LIMCH1: variants seen among roughly 807,000 people sequenced by gnomAD.
LIMCH1 encodes the protein LIM and calponin homology domains-containing protein 1.
A neutral mutation model predicts 176.5 loss-of-function variants in LIMCH1; 113 were observed. The observed-to-expected ratio is 0.64, with a 90% CI of 0.55 to 0.75. LIMCH1 has a LOEUF of 0.75. LIMCH1 is among the 30% of genes least tolerant of loss of function. The pLI is 0.00. For missense variants in LIMCH1, 1,674 were observed against 1,814.9 expected, an observed-to-expected ratio of 0.92 and a Z score of 1.41; for synonymous variants, 619 against 645.9, an observed-to-expected ratio of 0.96 and a Z score of 0.63.
chr4:41,435,104 G>C (rs571569561), intron 1 of LIMCH1, among the ~76,000 whole-genome samples: 2 of 152,214 alleles, frequency 1.3e-5, no homozygotes, highest in South Asian at 4.2e-4. Flanking sequence ...TATCTCAGTG[G>C]ACCCTATGTT....
rs116253261 is a variant in LIMCH1, at chr4:41,624,037, A to G, written c.726-2671A>G. Among the ~76,000 whole-genome samples the G allele has an allele frequency of 6.7e-3, 1,015 of 152,336 alleles. 10 individuals are homozygous for G. Among genetic ancestry groups the G allele is most frequent in the African/African-American group, 0.023 (955 of 41,580 alleles). ...CCCAAATATGAGAGTCTGCCAAAGAAGCCAAGATTTCTGTTTTTAAGAGGA... is the reference window on the plus strand; with the variant it reads ...CCCAAATATGAGAGTCTGCCAAAGAGGCCAAGATTTCTGTTTTTAAGAGGA... On this transcript the variant is annotated intron_variant, in intron 7 of 31. Transcript: ENST00000503057.
chr4:41,498,164 T>C (rs1583155342), intron 2 of LIMCH1, among the ~76,000 whole-genome samples: 1 of 151,288 alleles, frequency 6.6e-6, no homozygotes, highest in South Asian at 2.1e-4. Context: ...GATGTAGGAG[T>C]TTCAGTTTTT....
intron 1 of LIMCH1, among the ~76,000 whole-genome samples, chr4:41,583,630 A>G (rs560051772): frequency 6.6e-6 from 1 of 152,330 alleles, no homozygotes; most frequent in African/African-American, 2.4e-5. Flanking sequence ...ATCTAGAGTT[A>G]TATGAAGACA....
chr4:41,464,606 C>T (rs2065852483), intron 1 of LIMCH1, among the ~76,000 whole-genome samples: 1 of 151,880 alleles, frequency 6.6e-6, no homozygotes, highest in East Asian at 1.9e-4. Flanking sequence ...AAACTCCTGA[C>T]CTCGTGATCT....
chr4:41,668,434 T>G (rs748914455), intron 21 of LIMCH1, among the ~76,000 whole-genome samples: 4 of 152,216 alleles, frequency 2.6e-5, no homozygotes, highest in Non-Finnish European at 5.9e-5. Context: ...ACTTTGTAAT[T>G]GTGTAGATAA....
chr4:41,512,399 A>ATGT (rs2075036635), intron 2 of LIMCH1, among the ~76,000 whole-genome samples: 1 of 152,194 alleles, frequency 6.6e-6, no homozygotes, highest in African/African-American at 2.4e-5. Context: ...TTATACTCCT[A>ATGT]AGTACATACC....
At chr4:41,669,641 CA>C (rs2094947186) in intron 21 of LIMCH1, among the ~76,000 whole-genome samples, 1 of 152,200 alleles carries the variant, frequency 6.6e-6, no homozygotes, top group Non-Finnish European at 1.5e-5. Flanking sequence ...CCAAAAATAT[CA>C]CTGATTGATA....
intron 1 of LIMCH1, among the ~76,000 whole-genome samples, chr4:41,590,217 C>T (rs994617150): frequency 2.0e-5 from 3 of 151,990 alleles, no homozygotes; most frequent in East Asian, 1.9e-4. Flanking sequence ...CTCAGCCTCC[C>T]GAGTAGTTGG....
At chr4:41,548,602 T>G (rs994129693) in intron 1 of LIMCH1, among the ~76,000 whole-genome samples, 5 of 152,224 alleles carry the variant, frequency 3.3e-5, no homozygotes, top group African/African-American at 1.2e-4. Context: ...ATTATATTTT[T>G]AATTTATAAA....
intron 31 of LIMCH1, among the ~76,000 whole-genome samples, chr4:41,694,571 G>A (rs2153097159): frequency 6.6e-6 from 1 of 152,224 alleles, no homozygotes. Flanking sequence ...AACATGTTGT[G>A]TCTCCTTTTT....
chr4:41,400,428 T>G (rs915295459), intron 1 of LIMCH1, among the ~76,000 whole-genome samples: 25 of 152,218 alleles, frequency 1.6e-4, no homozygotes, highest in Non-Finnish European at 4.4e-5. Flanking sequence ...GTATCTATTT[T>G]AAATTGGACT....
At chr4:41,459,949 C>T (rs900464939) in intron 1 of LIMCH1, among the ~76,000 whole-genome samples, 2 of 152,058 alleles carry the variant, frequency 1.3e-5, no homozygotes, top group African/African-American at 4.8e-5. Flanking sequence ...CCTGCCTTTT[C>T]CACACCTCCT....
At chr4:41,360,026 G>GGGGTGTGTGTGT (rs1272581302), upstream of LIMCH1, among the ~76,000 whole-genome samples, 3 of 145,774 alleles carry the variant, frequency 2.1e-5, no homozygotes, top group African/African-American at 5.1e-5. This position sits in a 1 kb window ranked among gnomAD's most constrained non-coding sequence, Gnocchi z 4.5. Flanking sequence ...GGGTGTGTAG[G>GGGGTGTGTGTGT]GTGTGTGTGT....
At chr4:41,466,236 C>T (rs1582665536) in intron 1 of LIMCH1, among the ~76,000 whole-genome samples, 3 of 152,152 alleles carry the variant, frequency 2.0e-5, no homozygotes, top group Non-Finnish European at 2.9e-5. Context: ...GGATTACAGG[C>T]GTGAGCCACT....
intron 8 of LIMCH1, among the ~76,000 whole-genome samples, chr4:41,628,330 T>A (rs961706293): frequency 6.6e-6 from 1 of 151,976 alleles, no homozygotes. Context: ...GCTATATTTG[T>A]CTGTTGTCAC....
At chr4:41,682,941 T>C (rs1717471168) in intron 26 of LIMCH1, among the ~76,000 whole-genome samples, 1 of 152,136 alleles carries the variant, frequency 6.6e-6, no homozygotes, top group Non-Finnish European at 1.5e-5. Context: ...CCTCCTGAAG[T>C]ACTGGGATTA....
chr4:41,697,157 C>T lies in LIMCH1; in HGVS notation c.4379-3C>T. On this transcript the variant is annotated splice_region_variant and splice_polypyrimidine_tract_variant and intron_variant, in intron 31 of 31. Coordinates refer to ENST00000503057, the MANE Select transcript of LIMCH1 (RefSeq NM_001330672.2). ...TGTTTGTTGTTGTTTGTTTTAATCACAGGTGCCGGGCAGCCTACAACATTG... is the reference window on the plus strand; with the variant it reads ...TGTTTGTTGTTGTTTGTTTTAATCATAGGTGCCGGGCAGCCTACAACATTG... 1.9e-6 allele frequency: 3 copies of T among 1,613,432 alleles called. No homozygotes were observed. Among genetic ancestry groups the T allele is most frequent in the Non-Finnish European group, 2.5e-6 (3 of 1,179,504 alleles).
At chr4:41,474,708 C>T (rs1029040126) in intron 1 of LIMCH1, among the ~76,000 whole-genome samples, 1 of 152,140 alleles carries the variant, frequency 6.6e-6, no homozygotes, top group African/African-American at 2.4e-5. Flanking sequence ...AACGGGAACC[C>T]TCATACACTG....
At chr4:41,375,576 T>C (rs951943528) in intron 1 of LIMCH1, among the ~76,000 whole-genome samples, 1 of 152,172 alleles carries the variant, frequency 6.6e-6, no homozygotes, top group Admixed American at 6.5e-5. Flanking sequence ...ATTTCTCAGG[T>C]AAAGATATCT....
Sources: allele counts gnomAD v4.1 joint callset (sites outside exome capture counted in the v4.1 genomes callset), GRCh38; gene constraint gnomAD v4.1.1; non-coding constraint Gnocchi (gnomAD v3.1); transcripts MANE v1.5; gene names NCBI Gene and HGNC (gene_info 2026-07-23, HGNC 2026-07-21).